ROCK2: variants seen among roughly 807,000 people sequenced by gnomAD.
The protein encoded by ROCK2 is rho-associated protein kinase 2.
Under a neutral mutation model 195.1 loss-of-function variants are expected in ROCK2, and 61 were observed. The ratio of observed to expected loss-of-function variants is 0.31; its 90% CI spans 0.25 to 0.39. The LOEUF (loss-of-function observed/expected upper bound fraction) is 0.39, where lower values mean the gene tolerates loss of function less well. Among genes scored for constraint, ROCK2 ranks in the 10% least tolerant of loss-of-function variants. The probability of loss-of-function intolerance (pLI) is 1.00; values close to 1 mark genes in which losing one functional copy is unlikely to be tolerated. For missense variants in ROCK2, 1,109 were observed against 1,637.4 expected (o/e 0.68, Z 5.57); for synonymous variants, 504 against 545.5 (o/e 0.92, Z 1.06).
intron 3 of ROCK2, among the ~76,000 whole-genome samples, chr2:11,268,995 T>C (rs1246838330): frequency 6.6e-6 from 1 of 152,234 alleles, no homozygotes; most frequent in Non-Finnish European, 1.5e-5. Flanking sequence ...CATTTTACTA[T>C]ATACAAGTTT....
chr2:11,317,593 TATATA>T (rs1668245997), intron 1 of ROCK2, among the ~76,000 whole-genome samples: 1 of 14,506 alleles, frequency 6.9e-5, no homozygotes, highest in Non-Finnish European at 1.4e-4. Flanking sequence ...TATATATATA[TATATA>T]TATATATATA....
chr2:11,210,874 T>A (rs1178513451), intron 18 of ROCK2, among the ~76,000 whole-genome samples: 2 of 152,206 alleles, frequency 1.3e-5, no homozygotes, highest in African/African-American at 2.4e-5. Context: ...TGCCTTAAAC[T>A]ACACTGATTT....
intron 32 of ROCK2, among the ~76,000 whole-genome samples, chr2:11,189,887 G>A (rs569177937): frequency 6.6e-6 from 1 of 152,200 alleles, no homozygotes; most frequent in East Asian, 1.9e-4. Flanking sequence ...CCTACTCTGG[G>A]AGGCTGAGGT....
At position 11,192,827 on chromosome 2, in the gene ROCK2, A is replaced by T; in HGVS notation, c.3688-115T>A. On this transcript the variant is annotated intron_variant, in intron 30 of 32. Coordinates refer to ENST00000315872, the MANE Select transcript of ROCK2 (RefSeq NM_004850.5). This position sits in a 1 kb window ranked among gnomAD's most constrained non-coding sequence, Gnocchi z 5.0. ...AGCCTAAATTATTCAAAGAGAAGAA[A>T]ATGTATCTGAAGTACAAACTTAAGC... 1 of 1,175,620 alleles carries T rather than the reference A, an allele frequency of 8.5e-7. No homozygotes were observed. The allele number at this position is 1,175,620 out of a possible 1,614,324, so 72.8% of individuals were successfully genotyped here. A position where few individuals can be genotyped will look rare whatever the true frequency, so the allele number is the denominator to read the frequency against.
At chr2:11,252,902 C>A (rs1170088545) in intron 3 of ROCK2, among the ~76,000 whole-genome samples, 2 of 150,970 alleles carry the variant, frequency 1.3e-5, no homozygotes, top group East Asian at 1.9e-4. Flanking sequence ...ATGTAACAAA[C>A]CTGCACGTTC....
chr2:11,342,942 G>A (rs1669150476), intron 1 of ROCK2, among the ~76,000 whole-genome samples: 1 of 152,172 alleles, frequency 6.6e-6, no homozygotes, highest in Non-Finnish European at 1.5e-5. Flanking sequence ...AAGCCAGTCC[G>A]TCCGTCCCTG....
At chr2:11,227,002 C>A (rs1447208039) in intron 6 of ROCK2, among the ~76,000 whole-genome samples, 1 of 149,360 alleles carries the variant, frequency 6.7e-6, no homozygotes, top group African/African-American at 2.5e-5. Flanking sequence ...TATTTTAATT[C>A]AAAAATGTCT....
chr2:11,287,471 G>A (rs1227348443), intron 2 of ROCK2, among the ~76,000 whole-genome samples, 184 bp downstream of exon 2: 2 of 151,926 alleles, frequency 1.3e-5, no homozygotes, highest in South Asian at 2.1e-4. Flanking sequence ...ATTGTAATTC[G>A]GTTCTGCAAT....
At chr2:11,281,200 T>A in intron 3 of ROCK2, among the ~76,000 whole-genome samples, 1 of 111,368 alleles carries the variant, frequency 9.0e-6, no homozygotes, top group African/African-American at 3.5e-5. Context: ...CAACACCCAC[T>A]CATTATTTAA....
At chr2:11,331,038 A>AT in intron 1 of ROCK2, among the ~76,000 whole-genome samples, 2 of 111,528 alleles carry the variant, frequency 1.8e-5, no homozygotes. Context: ...AGGAGGGAGG[A>AT]GGAGGGAGGA....
chr2:11,280,766 A>G (rs1666974967), intron 3 of ROCK2, among the ~76,000 whole-genome samples: 1 of 151,920 alleles, frequency 6.6e-6, no homozygotes, highest in African/African-American at 2.4e-5. Flanking sequence ...AATTAAATCA[A>G]TAGTTATTAA....
rs759968807 is a variant in ROCK2 at position 11,215,550 on chromosome 2, A to G, written c.1557T>C (p.Ala519=). ...QHKNAEYQRK[A]DHEADKKRNL... ...TTCGTTTTTTGTCTGCTTCATGATC[A>G]GCTTTCCTCTGATATTCTGCATTTT... The change falls in exon 14 of 33, where the codon GCT becomes GCC. Residue 519 remains alanine, a synonymous_variant. Coordinates refer to ENST00000315872, the MANE Select transcript of ROCK2 (RefSeq NM_004850.5). 5.0e-6 allele frequency: 8 copies of G among 1,613,468 alleles called. No individual in the cohort carries two copies. The South Asian group carries it at 7.7e-5, about 16-fold the overall frequency.
At chr2:11,202,272 T>C in intron 20 of ROCK2, 151 bp from the exon 21 acceptor site, 1 of 688,778 alleles carries the variant, frequency 1.5e-6, no homozygotes, top group Admixed American at 2.3e-5. Flanking sequence ...CTGAGCACCA[T>C]GGTTTTTTTT....
chr2:11,249,949 G>A, intron 3 of ROCK2, 151 bp from the exon 4 acceptor site: 1 of 496,168 alleles, frequency 2.0e-6, no homozygotes, highest in Non-Finnish European at 3.4e-6. Flanking sequence ...TTTAATGAAA[G>A]AAACAAAGGA....
intron 4 of ROCK2, among the ~76,000 whole-genome samples, chr2:11,236,771 A>G (rs1226612404): frequency 6.6e-6 from 1 of 152,236 alleles, no homozygotes; most frequent in Non-Finnish European, 1.5e-5. Context: ...AAAAACCAAC[A>G]TCATGAAATA....
In ROCK2 at chr2:11,218,545, A is replaced by G. The variant is rs772816175; in HGVS notation, c.1321-79T>C. ...CTGTAAAATTCCTAAAACACAAACC[A>G]TAACAAAATTATCCAACCTAATGCT... On this transcript the variant is annotated intron_variant, in intron 10 of 32. Transcript: ENST00000315872. The G allele has an allele frequency of 2.3e-4, 239 of 1,032,224 alleles. 1 individual carries two copies. The highest frequency in any genetic ancestry group is 3.0e-4 in the Non-Finnish European group (214 of 716,482). The allele number at this position is 1,032,224 out of a possible 1,614,324, so 63.9% of individuals were successfully genotyped here.
intron 3 of ROCK2, among the ~76,000 whole-genome samples, chr2:11,283,092 C>CCCCA (rs71393872): frequency 0.32 from 48,631 of 151,270 alleles, 8,013 homozygotes; most frequent in East Asian, 0.54. Context: ...CATGGTGAAA[C>CCCCA]CCCATCTCTA....
chr2:11,344,686 G>C (rs1294617370), upstream of ROCK2: 2 of 151,948 alleles, frequency 1.3e-5, no homozygotes, highest in Admixed American at 6.8e-5. The surrounding 1 kb of genome is among the most constrained non-coding windows in gnomAD (Gnocchi z 5.4). Context: ...GCAGCCGCCG[G>C]CGCGCGTCCC....
upstream of ROCK2, among the ~76,000 whole-genome samples, chr2:11,345,361 G>A (rs945018802): frequency 1.3e-5 from 2 of 152,330 alleles, no homozygotes; most frequent in Admixed American, 6.5e-5. Context: ...GCGGAAGAGG[G>A]GTGGTTATCG....
Sources: gnomAD v4.1 joint callset for allele counts (sites outside exome capture counted in the v4.1 genomes callset) on GRCh38, gnomAD v4.1.1 for gene constraint, Gnocchi (gnomAD v3.1) non-coding constraint, MANE v1.5 for transcripts, NCBI Gene and HGNC (gene_info 2026-07-23, HGNC 2026-07-21) for gene names.